Variants in CSMD2 observed in about 807,000 individuals in gnomAD.
The protein encoded by CSMD2 is CUB and sushi domain-containing protein 2.
CSMD2 carries 130 observed loss-of-function variants against 398.5 expected under a neutral mutation model. That is an observed-to-expected ratio of 0.33 (90% CI 0.28 to 0.38). CSMD2 has a LOEUF of 0.38. Ranked by LOEUF, CSMD2 falls within the 10% of genes least tolerant of loss-of-function variation. CSMD2 has a pLI of 1.00. For synonymous variants in CSMD2, 1,828 were observed against 1,908.5 expected (o/e 0.96, Z 1.10); for missense variants, 3,829 against 4,764.9 (o/e 0.80, Z 5.78).
At chr1:33,809,743 A>ATT (rs35790331) in intron 10 of CSMD2, among the ~76,000 whole-genome samples, 8 of 151,686 alleles carry the variant, frequency 5.3e-5, no homozygotes, top group South Asian at 2.1e-4. Flanking sequence ...CAACACCATC[A>ATT]TTTTTTTGCA....
intron 5 of CSMD2, chr1:33,885,221 C>G (rs1416249593): frequency 6.6e-6 from 1 of 152,134 alleles, no homozygotes; most frequent in African/African-American, 2.4e-5. Context: ...TATCAGAAAA[C>G]TACGTCAAAG....
chr1:33,907,393 C>T (rs555519355), intron 5 of CSMD2, among the ~76,000 whole-genome samples: 1 of 152,018 alleles, frequency 6.6e-6, no homozygotes, highest in South Asian at 2.1e-4. Context: ...TCCCAAGGTG[C>T]TGGGATTACA....
rs147984821 is a variant in CSMD2, at chr1:33,739,219, C to G, written c.2289G>C (p.Gly763=). The change falls in exon 15 of 71, where the codon GGG becomes GGC. Residue 763 remains glycine, a synonymous_variant. Transcript: ENST00000373381. ...ISFLCDEGFL[G]TQGSETITCV... The stretch of plus-strand genomic sequence containing the variant: ...AGGTGATGGTCTCTGAGCCCTGAGT[C>G]CCAAGGAAGCCTTCATCACAGAGGA... 6.2e-7 allele frequency: 1 copy of G among 1,614,206 alleles called. No individual in the cohort carries two copies. Among genetic ancestry groups the G allele is most frequent in the Non-Finnish European group, 8.5e-7 (1 of 1,180,044 alleles).
intron 3 of CSMD2, among the ~76,000 whole-genome samples, chr1:33,940,789 A>G (rs976873495): frequency 3.9e-5 from 6 of 152,198 alleles, no homozygotes; most frequent in African/African-American, 1.4e-4. Context: ...AGATGAAGAG[A>G]GATTACCCGA....
intron 27 of CSMD2, among the ~76,000 whole-genome samples, chr1:33,654,389 T>G (rs912916442): frequency 5.9e-5 from 9 of 152,136 alleles, no homozygotes; most frequent in Non-Finnish European, 8.8e-5. Flanking sequence ...CAAAGTCTGT[T>G]GTTTTCCCCC....
chr1:33,980,142 C>T (rs1335221452), intron 3 of CSMD2, among the ~76,000 whole-genome samples: 1 of 152,110 alleles, frequency 6.6e-6, no homozygotes, highest in Non-Finnish European at 1.5e-5. Flanking sequence ...GACTCTGGAA[C>T]CTGGCCAGTT....
chr1:33,719,824 T>C (rs775538862), intron 19 of CSMD2, among the ~76,000 whole-genome samples: 11 of 152,152 alleles, frequency 7.2e-5, no homozygotes, highest in Non-Finnish European at 1.2e-4. Flanking sequence ...ACTGGGAAAG[T>C]ATATGCAAAG....
Position 33,782,876 on chromosome 1 carries a change from T to C in CSMD2, c.1663+5724A>G, listed in dbSNP as rs145604612. On this transcript the variant is annotated intron_variant, in intron 12 of 70. Coordinates refer to ENST00000373381, the MANE Select transcript of CSMD2 (RefSeq NM_001281956.2). ...TTATCCTAAAATCAATGGGAAGTTG[T>C]CATTTTTTTTTTAACTAGGGGGGAA... is the stretch of plus-strand genomic sequence containing the variant. Among the ~76,000 whole-genome samples the C allele has an allele frequency of 5.6e-3, 859 of 152,156 alleles. 5 individuals are homozygous for C. The highest frequency in any genetic ancestry group is 9.2e-3 in the Non-Finnish European group (624 of 68,016).
chr1:33,803,872 T>C (rs1338952924), intron 10 of CSMD2, among the ~76,000 whole-genome samples: 1 of 152,236 alleles, frequency 6.6e-6, no homozygotes, highest in Non-Finnish European at 1.5e-5. Context: ...ATCCTCGTCC[T>C]TCCAGGCTCA....
At chr1:33,703,461 T>C (rs189855416) in intron 22 of CSMD2, among the ~76,000 whole-genome samples, 1 of 152,346 alleles carries the variant, frequency 6.6e-6, no homozygotes, top group East Asian at 1.9e-4. Flanking sequence ...CCTAACAGAA[T>C]ATTGCTTGAT....
chr1:33,767,773 A>G (rs1650700785), intron 13 of CSMD2, among the ~76,000 whole-genome samples: 1 of 152,156 alleles, frequency 6.6e-6, no homozygotes, highest in South Asian at 2.1e-4. Flanking sequence ...ACTCCTGTCA[A>G]CCTTTGTTGC....
chr1:34,077,214 T>C (rs1656488130), intron 2 of CSMD2, among the ~76,000 whole-genome samples: 1 of 151,422 alleles, frequency 6.6e-6, no homozygotes, highest in Admixed American at 6.6e-5. Context: ...TCCCAGCACT[T>C]TGGGAGGCCG....
chr1:34,148,170 T>C (rs1639955098), intron 1 of CSMD2, among the ~76,000 whole-genome samples: 1 of 152,244 alleles, frequency 6.6e-6, no homozygotes, highest in Admixed American at 6.5e-5. Context: ...TCCTACTTTC[T>C]GGACTAATCG....
At chr1:33,918,049 A>T (rs547719509) in intron 5 of CSMD2, 45 bp downstream of exon 5, 2 of 1,559,980 alleles carry the variant, frequency 1.3e-6, no homozygotes, top group African/African-American at 2.7e-5. Flanking sequence ...AGTAATTCAC[A>T]GTTGCAGAGA....
At chr1:33,916,713 C>G (rs1643740714) in intron 5 of CSMD2, among the ~76,000 whole-genome samples, 1 of 152,134 alleles carries the variant, frequency 6.6e-6, no homozygotes, top group Non-Finnish European at 1.5e-5. Flanking sequence ...ATGCTAGTTC[C>G]CAAATCTGAG....
intron 1 of CSMD2, among the ~76,000 whole-genome samples, chr1:34,152,044 T>C (rs1308037716): frequency 6.6e-6 from 1 of 152,094 alleles, no homozygotes; most frequent in Non-Finnish European, 1.5e-5. Flanking sequence ...AGAAGAGGCC[T>C]CACTTTTTGT....
rs1241409513 is a variant in CSMD2 at position 33,559,559 on chromosome 1, G to A, written c.8381-86C>T. The A allele has an allele frequency of 4.8e-6, 6 of 1,239,992 alleles. No homozygotes were observed. The highest frequency in any genetic ancestry group is 6.7e-6 in the Non-Finnish European group (6 of 890,552). 76.8% of individuals were successfully genotyped at this position (1,239,992 alleles called of 1,614,324 possible). ...CCACCTCTCACCTGGCATCTCTTAG[G>A]CCATCAGTGAAGTTCAGCCCTAAGT... On this transcript the variant is annotated intron_variant, in intron 53 of 70. Coordinates refer to ENST00000373381, the MANE Select transcript of CSMD2 (RefSeq NM_001281956.2). This position sits in a 1 kb window ranked among gnomAD's most constrained non-coding sequence, Gnocchi z 4.0.
At chr1:34,039,953 G>C (rs1347299676) in intron 2 of CSMD2, among the ~76,000 whole-genome samples, 1 of 152,054 alleles carries the variant, frequency 6.6e-6, no homozygotes, top group African/African-American at 2.4e-5. Flanking sequence ...AGGAGTTCAA[G>C]ACCAGCCTGA....
chr1:34,153,420 G>C (rs1245460350), intron 1 of CSMD2, among the ~76,000 whole-genome samples: 1 of 152,200 alleles, frequency 6.6e-6, no homozygotes, highest in African/African-American at 2.4e-5. Context: ...TTATCATATG[G>C]ATATACCACA....
Sources: allele counts gnomAD v4.1 joint callset (sites outside exome capture counted in the v4.1 genomes callset), GRCh38; gene constraint gnomAD v4.1.1; non-coding constraint Gnocchi (gnomAD v3.1); transcripts MANE v1.5; gene names NCBI Gene and HGNC (gene_info 2026-07-23, HGNC 2026-07-21).